The following MACF1 variants were observed in gnomAD, a reference collection of about 807,000 sequenced individuals.
The protein encoded by MACF1 is microtubule-actin cross-linking factor 1.
In MACF1, 193 loss-of-function variants were observed where a neutral mutation model predicts 854.8. The ratio of observed to expected loss-of-function variants is 0.23; its 90% CI spans 0.20 to 0.25. The LOEUF is 0.25. Among genes scored for constraint, MACF1 ranks in the 10% least tolerant of loss-of-function variants. The probability of loss-of-function intolerance (pLI) is 1.00; values close to 1 mark genes in which losing one functional copy is unlikely to be tolerated. For missense variants in MACF1, 7,722 were observed against 8,929.1 expected, an observed-to-expected ratio of 0.86 and a Z score of 5.45; for synonymous variants, 3,185 against 3,226.7, an observed-to-expected ratio of 0.99 and a Z score of 0.44.
At chr1:39,373,073 A>G in intron 52 of MACF1, 3 of 164,036 alleles carry the variant, frequency 1.8e-5, no homozygotes, top group Non-Finnish European at 3.9e-5. Flanking sequence ...TTGGGAGGCC[A>G]AGGCAGGCGG....
chr1:39,482,134 T>G (rs1303973269), intron 99 of MACF1, among the ~76,000 whole-genome samples: 1 of 152,208 alleles, frequency 6.6e-6, no homozygotes, highest in Non-Finnish European at 1.5e-5. Flanking sequence ...TTATTTTCTG[T>G]TTCATTTCAT....
intron 13 of MACF1, 54 bp downstream of exon 13, chr1:39,285,444 A>G (rs1036729502): frequency 1.1e-5 from 17 of 1,589,476 alleles, no homozygotes; most frequent in Non-Finnish European, 1.5e-5. Context: ...CCTGCTTCTC[A>G]CCCTCTGCTC....
chr1:39,138,130 T>G (rs890013285), intron 2 of MACF1, among the ~76,000 whole-genome samples: 8 of 151,418 alleles, frequency 5.3e-5, no homozygotes, highest in African/African-American at 4.8e-5. Context: ...AATTTCTATT[T>G]CAACAAATTT....
At chr1:39,371,926 G>A (rs911285628) in intron 51 of MACF1, among the ~76,000 whole-genome samples, 15 of 150,906 alleles carry the variant, frequency 9.9e-5, no homozygotes, top group South Asian at 4.2e-4. Flanking sequence ...CAACTCTCCC[G>A]TCTCAGCGCC....
At chr1:39,358,310 C>G (rs1339327930) in intron 45 of MACF1, among the ~76,000 whole-genome samples, 1 of 152,150 alleles carries the variant, frequency 6.6e-6, no homozygotes, top group Non-Finnish European at 1.5e-5. Context: ...AGAACTTGCT[C>G]GCTCTTCTAA....
intron 6 of MACF1, among the ~76,000 whole-genome samples, chr1:39,273,988 G>A (rs1466311154): frequency 6.6e-6 from 1 of 152,088 alleles, no homozygotes; most frequent in Non-Finnish European, 1.5e-5. Context: ...TTTTAAAAAA[G>A]GCCTTTTACA....
intron 2 of MACF1, among the ~76,000 whole-genome samples, chr1:39,127,015 T>C (rs1642878055): frequency 6.6e-6 from 1 of 152,120 alleles, no homozygotes; most frequent in African/African-American, 2.4e-5. Flanking sequence ...GTGGATCACC[T>C]GAGGTTGGGA....
At chr1:39,121,583 G>C (rs551673500) in intron 2 of MACF1, among the ~76,000 whole-genome samples, 7 of 152,148 alleles carry the variant, frequency 4.6e-5, no homozygotes, top group Admixed American at 3.9e-4. Context: ...TGAGTAGCTG[G>C]GACTAGGCGC....
chr1:39,206,581 T>C (rs1453927897), intron 1 of MACF1: 2 of 152,220 alleles, frequency 1.3e-5, no homozygotes, highest in Non-Finnish European at 2.9e-5. Context: ...GTTAATTTCA[T>C]AAACAGCCAT....
At chr1:39,468,095 A>G (rs1644706203) in intron 95 of MACF1, 1 of 152,442 alleles carries the variant, frequency 6.6e-6, no homozygotes, top group Non-Finnish European at 1.5e-5. Flanking sequence ...TTTTATCCCA[A>G]TAGAAAGTAT....
At chr1:39,190,571 C>G (rs1644243595) in intron 2 of MACF1, among the ~76,000 whole-genome samples, 1 of 151,706 alleles carries the variant, frequency 6.6e-6, no homozygotes, top group Admixed American at 6.6e-5. Context: ...AACTCCTGGG[C>G]TCAAGAAATC....
At chr1:39,113,031 T>C (rs1428557909) in intron 2 of MACF1, among the ~76,000 whole-genome samples, 1 of 152,014 alleles carries the variant, frequency 6.6e-6, no homozygotes, top group African/African-American at 2.4e-5. Context: ...CATGACTCAA[T>C]TACAATGCGG....
intron 2 of MACF1, among the ~76,000 whole-genome samples, chr1:39,170,197 A>T (rs1333057290): frequency 1.3e-5 from 2 of 152,068 alleles, no homozygotes; most frequent in Non-Finnish European, 2.9e-5. Context: ...GACTTCTCTG[A>T]TTATCGTAGT....
intron 23 of MACF1, among the ~76,000 whole-genome samples, chr1:39,305,139 TG>T (rs1646142463): frequency 6.6e-6 from 1 of 151,254 alleles, no homozygotes; most frequent in Non-Finnish European, 1.5e-5. Flanking sequence ...TGCATGACTG[TG>T]GTCCCAGCTA....
At chr1:39,403,858 G>A (rs778302667) in intron 58 of MACF1, among the ~76,000 whole-genome samples, 2 of 151,958 alleles carry the variant, frequency 1.3e-5, no homozygotes, top group Non-Finnish European at 2.9e-5. Flanking sequence ...GCCGGGCTTC[G>A]TGGCTCATGC....
intron 98 of MACF1, among the ~76,000 whole-genome samples, chr1:39,480,550 G>T (rs764720181): frequency 6.6e-6 from 1 of 152,064 alleles, no homozygotes; most frequent in Non-Finnish European, 1.5e-5. Context: ...GATTGCTTGA[G>T]CCCAGGAATA....
At chr1:39,155,060 C>T (rs971362071) in intron 2 of MACF1, among the ~76,000 whole-genome samples, 2 of 152,088 alleles carry the variant, frequency 1.3e-5, no homozygotes, top group African/African-American at 4.8e-5. Context: ...GATGAATAGC[C>T]ATGAAAGGCA....
intron 2 of MACF1, among the ~76,000 whole-genome samples, chr1:39,121,230 C>T (rs1371529421): frequency 6.6e-6 from 1 of 152,164 alleles, no homozygotes; most frequent in Admixed American, 6.5e-5. Flanking sequence ...CAATAACTTG[C>T]TCAAGCTAAC....
intron 6 of MACF1, among the ~76,000 whole-genome samples, chr1:39,276,301 A>G (rs912631339): frequency 1.3e-5 from 2 of 152,126 alleles, no homozygotes; most frequent in African/African-American, 4.8e-5. Flanking sequence ...TTGAGGACAT[A>G]ATAATCAAGT....
Sources: gnomAD v4.1 joint callset for allele counts (sites outside exome capture counted in the v4.1 genomes callset) on GRCh38, gnomAD v4.1.1 for gene constraint, MANE v1.5 for transcripts, NCBI Gene and HGNC (gene_info 2026-07-23, HGNC 2026-07-21) for gene names.